Variants in KCNH1 observed in about 807,000 individuals in gnomAD.
KCNH1 encodes potassium voltage-gated channel subfamily H member 1, also known as voltage-gated delayed rectifier potassium channel KCNH1.
KCNH1 carries 27 observed loss-of-function variants against 69.2 expected under a neutral mutation model. The observed-to-expected ratio is 0.39, with a 90% CI of 0.29 to 0.54. KCNH1 has a LOEUF of 0.54. Among genes scored for constraint, KCNH1 ranks in the 20% least tolerant of loss-of-function variants. The pLI, the probability that KCNH1 is intolerant of heterozygous loss-of-function variation, is 0.68. For synonymous variants in KCNH1, 456 were observed against 487.7 expected (o/e 0.93, Z 0.86); for missense variants, 798 against 1,261.6 (o/e 0.63, Z 5.57).
In KCNH1 at chr1:210,919,683, T is replaced by C. The variant is rs1687419752; in HGVS notation, c.1419A>G (p.Thr473=). 3 of 1,614,046 alleles carry C rather than the reference T, an allele frequency of 1.9e-6. No individual in the cohort carries two copies. The highest frequency in any genetic ancestry group is 1.1e-5 in the South Asian group (1 of 91,078). Residue 473 remains threonine, a synonymous_variant, in exon 7 of 11, where the codon ACA becomes ACG. Transcript: ENST00000271751. This position sits in a 1 kb window ranked among gnomAD's most constrained non-coding sequence, Gnocchi z 4.2. ...CCACTGCAAAGATCTTCTCAATGTCTGTGGATGGGGCGATGTTCCCAAAGC... is the reference window on the plus strand; with the variant it reads ...CCACTGCAAAGATCTTCTCAATGTCCGTGGATGGGGCGATGTTCCCAAAGC... ...SVGFGNIAPS[T]DIEKIFAVAI...
At chr1:210,987,701 G>A (rs1292499347) in intron 6 of KCNH1, among the ~76,000 whole-genome samples, 1 of 152,220 alleles carries the variant, frequency 6.6e-6, no homozygotes, top group Non-Finnish European at 1.5e-5. Context: ...CTACTGGGGG[G>A]TGCCTCCCAG....
intron 6 of KCNH1, among the ~76,000 whole-genome samples, chr1:210,978,192 C>T (rs1688649271): frequency 6.6e-6 from 1 of 152,016 alleles, no homozygotes; most frequent in Non-Finnish European, 1.5e-5. Flanking sequence ...GCACCCACCA[C>T]CACACCTGGC....
intron 10 of KCNH1, among the ~76,000 whole-genome samples, chr1:210,753,818 C>T (rs1446835195): frequency 6.6e-6 from 1 of 152,104 alleles, no homozygotes. Context: ...GGGCATTTAC[C>T]CTCCATATAG....
chr1:210,920,578 C>T (rs1329806508), intron 6 of KCNH1, among the ~76,000 whole-genome samples: 1 of 151,904 alleles, frequency 6.6e-6, no homozygotes, highest in African/African-American at 2.4e-5. Context: ...GCTGCATTAG[C>T]AAGTTATGAA....
At chr1:211,115,715 A>ATATATATATATATATATATATATATATC (rs1691563638) in intron 1 of KCNH1, among the ~76,000 whole-genome samples, 1 of 111,150 alleles carries the variant, frequency 9.0e-6, no homozygotes, top group African/African-American at 3.0e-5. Flanking sequence ...ATATATATAT[A>ATATATATATATATATATATATATATATC]TGTATATATA....
intron 7 of KCNH1, among the ~76,000 whole-genome samples, chr1:210,849,555 G>A (rs150417883): frequency 2.8e-4 from 42 of 151,782 alleles, no homozygotes; most frequent in African/African-American, 8.9e-4. Flanking sequence ...TACCAGAGAC[G>A]GGGTTTCTCC....
chr1:210,797,485 C>T, intron 9 of KCNH1, 23 bp downstream of exon 9: 1 of 1,611,132 alleles, frequency 6.2e-7, no homozygotes, highest in Non-Finnish European at 8.5e-7. Flanking sequence ...TACCTTTGCC[C>T]ATCCAGCAAA....
intron 7 of KCNH1, among the ~76,000 whole-genome samples, chr1:210,829,251 T>C (rs1415722675): frequency 6.6e-6 from 1 of 152,066 alleles, no homozygotes; most frequent in Admixed American, 6.5e-5. Context: ...GATATATTTG[T>C]TAACCAACTA....
intron 7 of KCNH1, among the ~76,000 whole-genome samples, chr1:210,829,424 C>T (rs139672110): frequency 6.6e-6 from 1 of 151,996 alleles, no homozygotes; most frequent in Non-Finnish European, 1.5e-5. Flanking sequence ...CATGTGCCCC[C>T]CTACAGAGTC....
chr1:211,048,277 T>C (rs1690130266), intron 5 of KCNH1, among the ~76,000 whole-genome samples: 1 of 152,128 alleles, frequency 6.6e-6, no homozygotes, highest in Admixed American at 6.5e-5. Context: ...AGTGTGGAGA[T>C]TCCTTAAAGA....
At chr1:210,766,725 A>G (rs1172982835) in intron 10 of KCNH1, among the ~76,000 whole-genome samples, 2 of 152,370 alleles carry the variant, frequency 1.3e-5, no homozygotes, top group East Asian at 3.9e-4. Context: ...ATTAGTAAAA[A>G]GTAAATTGCC....
chr1:210,943,855 A>G (rs1542887), intron 6 of KCNH1, among the ~76,000 whole-genome samples: 117,450 of 152,112 alleles, frequency 0.77, 46,060 homozygotes, highest in African/African-American at 0.89. Context: ...AGACAGGCAG[A>G]ATGGTGTCCT....
At chr1:210,832,624 A>C (rs1434363764) in intron 7 of KCNH1, among the ~76,000 whole-genome samples, 1 of 152,138 alleles carries the variant, frequency 6.6e-6, no homozygotes, top group Non-Finnish European at 1.5e-5. Flanking sequence ...AAAAAAAGTC[A>C]ATGTTCTCTG....
At chr1:210,798,250 A>G (rs544860449) in intron 8 of KCNH1, among the ~76,000 whole-genome samples, 1 of 152,232 alleles carries the variant, frequency 6.6e-6, no homozygotes, top group South Asian at 2.1e-4. Context: ...CATGTTAGCC[A>G]GGATGGTCTC....
chr1:210,794,464 G>T (rs1253112621), intron 9 of KCNH1, among the ~76,000 whole-genome samples: 1 of 152,168 alleles, frequency 6.6e-6, no homozygotes, highest in Non-Finnish European at 1.5e-5. Context: ...GCCTGGGAGG[G>T]CCCCAAGTAG....
intron 6 of KCNH1, among the ~76,000 whole-genome samples, chr1:210,964,936 G>T (rs1347275908): frequency 2.0e-5 from 3 of 152,100 alleles, no homozygotes; most frequent in East Asian, 1.9e-4. Context: ...GAGATGCAAG[G>T]CTGGTTCAAT....
At chr1:211,069,226 G>T (rs1365020648) in intron 5 of KCNH1, among the ~76,000 whole-genome samples, 1 of 152,000 alleles carries the variant, frequency 6.6e-6, no homozygotes, top group Non-Finnish European at 1.5e-5. Flanking sequence ...TCATAGCCCG[G>T]GGCACAGACT....
chr1:210,717,254 G>A (rs911779664), intron 10 of KCNH1, among the ~76,000 whole-genome samples: 2 of 152,178 alleles, frequency 1.3e-5, no homozygotes, highest in African/African-American at 4.8e-5. Context: ...GCCTAGGGCT[G>A]AAAGCATATA....
chr1:210,920,089 G>C lies in KCNH1; in HGVS notation c.1033-20C>G. On this transcript the variant is annotated intron_variant, in intron 6 of 10. Transcript: ENST00000271751. ...GATGCCCTGGGAGAAGAGGAACACA[G>C]CGTCAGGGCCAAAGAACCAAAGATA... 1.2e-6 allele frequency: 2 copies of C among 1,605,120 alleles called. No homozygotes were observed. Among genetic ancestry groups the C allele is most frequent in the South Asian group, 1.1e-5 (1 of 90,824 alleles).
Sources: gnomAD v4.1 joint callset for allele counts (sites outside exome capture counted in the v4.1 genomes callset) on GRCh38, gnomAD v4.1.1 for gene constraint, Gnocchi (gnomAD v3.1) non-coding constraint, MANE v1.5 for transcripts, NCBI Gene and HGNC (gene_info 2026-07-23, HGNC 2026-07-21) for gene names.